Variants in CEPT1 observed in about 807,000 individuals in gnomAD.
CEPT1 encodes choline/ethanolamine phosphotransferase 1.
Under a neutral mutation model 42.6 loss-of-function variants are expected in CEPT1, and 7 were observed. The ratio of observed to expected loss-of-function variants is 0.16; its 90% CI spans 0.09 to 0.31. The LOEUF (loss-of-function observed/expected upper bound fraction) is 0.31, where lower values mean the gene tolerates loss of function less well. CEPT1 is among the 10% of genes least tolerant of loss of function. The probability of loss-of-function intolerance (pLI) is 1.00; values close to 1 mark genes in which losing one functional copy is unlikely to be tolerated. For synonymous variants in CEPT1, 171 were observed against 171.9 expected (o/e 0.99, Z 0.04); for missense variants, 306 against 502.1 (o/e 0.61, Z 3.73).
At chr1:111,143,636 T>C (rs1654788986) in intron 1 of CEPT1, 1 of 152,206 alleles carries the variant, frequency 6.6e-6, no homozygotes, top group African/African-American at 2.4e-5. Flanking sequence ...TTCTTTTTGT[T>C]ACTTGTACTG....
intron 1 of CEPT1, among the ~76,000 whole-genome samples, chr1:111,145,652 A>C (rs1288481801): frequency 6.6e-6 from 1 of 152,144 alleles, no homozygotes; most frequent in Non-Finnish European, 1.5e-5. Context: ...GTTTTGTGGC[A>C]TGTGACCCTG....
At chr1:111,145,570 G>A (rs912053854) in intron 1 of CEPT1, among the ~76,000 whole-genome samples, 17 of 152,194 alleles carry the variant, frequency 1.1e-4, no homozygotes, top group African/African-American at 4.1e-4. Flanking sequence ...ACCAGGCTGT[G>A]GGGTGAGTGT....
Position 111,184,249 on chromosome 1 carries a change from C to G in CEPT1, c.1190C>G (p.Ser397Cys), listed in dbSNP as rs1469404393. 1.2e-6 allele frequency: 2 copies of G among 1,612,870 alleles called. No homozygotes were observed. Among genetic ancestry groups the G allele is most frequent in the Non-Finnish European group, 1.7e-6 (2 of 1,178,924 alleles). The change falls in exon 9 of 9, where the codon TCT (serine) becomes TGT (cysteine). Residue 397 changes from serine to cysteine, a missense_variant. By Grantham distance (112) the Ser-to-Cys change is moderately radical (BLOSUM62 -1). This residue lies in a region of CEPT1 where 253 missense variants were observed against 447.3 expected (regional missense o/e 0.57). Coordinates refer to ENST00000357172, the MANE Select transcript of CEPT1 (RefSeq NM_006090.5). ...YCVSVCNQIA[S>C]HLHIHVFRIK... Reference sequence around the variant, plus strand: ...GTCAGTGTTTGCAATCAGATTGCGTCTCACCTGCACATACATGTCTTCAGA... The same window carrying G: ...GTCAGTGTTTGCAATCAGATTGCGTGTCACCTGCACATACATGTCTTCAGA...
chr1:111,161,570 T>G (rs1655877482), intron 4 of CEPT1, among the ~76,000 whole-genome samples: 2 of 152,106 alleles, frequency 1.3e-5, no homozygotes, highest in African/African-American at 2.4e-5. Flanking sequence ...CACAGAAAAA[T>G]TCACTTTTTT....
intron 4 of CEPT1, among the ~76,000 whole-genome samples, chr1:111,174,045 G>T (rs1656555245): frequency 6.6e-6 from 1 of 152,138 alleles, no homozygotes; most frequent in African/African-American, 2.4e-5. Context: ...TGTAGGGTAA[G>T]TTCTCAAAAT....
At chr1:111,171,956 C>G (rs556116754) in intron 4 of CEPT1, among the ~76,000 whole-genome samples, 122 of 152,326 alleles carry the variant, frequency 8.0e-4, no homozygotes, top group African/African-American at 2.8e-3. Flanking sequence ...AGGCTGGTCT[C>G]AAACTCCCTA....
intron 2 of CEPT1, among the ~76,000 whole-genome samples, chr1:111,153,611 T>G (rs1655400943): frequency 6.6e-6 from 1 of 152,234 alleles, no homozygotes; most frequent in African/African-American, 2.4e-5. Flanking sequence ...GTCTCACATT[T>G]GTAAGTCTTT....
At chr1:111,179,392 G>A (rs1656859729) in intron 5 of CEPT1, 3 of 152,154 alleles carry the variant, frequency 2.0e-5, no homozygotes, top group Admixed American at 1.3e-4. Context: ...AAGCAGACCT[G>A]ACATAAAGAT....
rs1657056550 is a variant in CEPT1 at position 111,182,797 on chromosome 1, A to G, written c.847-2A>G. On this transcript the variant is annotated splice_acceptor_variant, in intron 6 of 8. Coordinates refer to ENST00000357172, the MANE Select transcript of CEPT1 (RefSeq NM_006090.5). LOFTEE classifies it high-confidence loss of function. ...ATTAACTCTTCTCTTCACTCTGTAC[A>G]GGGAACAAGTGTCCTTTCTCCTTTT... is the stretch of plus-strand genomic sequence containing the variant. 1 of 1,610,638 alleles carries G rather than the reference A, an allele frequency of 6.2e-7. No individual in the cohort carries two copies. Among genetic ancestry groups the G allele is most frequent in the African/African-American group, 1.3e-5 (1 of 74,802 alleles).
At chr1:111,173,782 CT>C (rs1313734779) in intron 4 of CEPT1, among the ~76,000 whole-genome samples, 2 of 152,036 alleles carry the variant, frequency 1.3e-5, no homozygotes, top group East Asian at 3.9e-4. Flanking sequence ...TTATTTGTCT[CT>C]TTTTTTACAC....
intron 2 of CEPT1, 29 bp from the exon 3 acceptor site, chr1:111,159,351 A>T (rs778363542): frequency 6.3e-7 from 1 of 1,592,846 alleles, no homozygotes; most frequent in African/African-American, 1.4e-5. Flanking sequence ...GTGTCTGAAT[A>T]CTCTTGCCTT....
Position 111,147,649 on chromosome 1 carries a change from C to G in CEPT1, c.-66C>G, listed in dbSNP as rs1285409142. The stretch of plus-strand genomic sequence containing the variant: ...TTTTATTTTATTTTTTAGGTAAGCA[C>G]CAGCCACAAAAACCTACAAAAGAAG... On this transcript the variant is annotated 5_prime_UTR_variant, in exon 2 of 9. Coordinates refer to ENST00000357172, the MANE Select transcript of CEPT1 (RefSeq NM_006090.5). 2 of 1,159,972 alleles carry G rather than the reference C, an allele frequency of 1.7e-6. No individual in the cohort carries two copies. The highest frequency in any genetic ancestry group is 2.4e-6 in the Non-Finnish European group (2 of 825,830). The allele number at this position is 1,159,972 out of a possible 1,614,324, so 71.9% of individuals were successfully genotyped here.
intron 4 of CEPT1, among the ~76,000 whole-genome samples, chr1:111,171,535 A>G (rs1656411831): frequency 6.6e-6 from 1 of 152,208 alleles, no homozygotes; most frequent in African/African-American, 2.4e-5. Flanking sequence ...TGTCAAATTT[A>G]TAGCTTCCAC....
At chr1:111,167,832 T>C in intron 4 of CEPT1, 1 of 784,734 alleles carries the variant, frequency 1.3e-6, no homozygotes, top group Non-Finnish European at 1.5e-6. Context: ...TTTTGTTTTG[T>C]TTTCTTTTCA....
intron 4 of CEPT1, among the ~76,000 whole-genome samples, chr1:111,161,801 A>T (rs1194241948): frequency 2.0e-5 from 3 of 152,218 alleles, no homozygotes; most frequent in Non-Finnish European, 4.4e-5. Flanking sequence ...CTATTTTGAA[A>T]GCTTATTTAT....
intron 2 of CEPT1, among the ~76,000 whole-genome samples, chr1:111,154,243 TATTTTATTTA>T (rs1557926516): frequency 8.2e-6 from 1 of 122,018 alleles, no homozygotes; most frequent in South Asian, 2.9e-4. Context: ...TATTTTATTT[TATTTTATTTA>T]GCTGTTGTTA....
At chr1:111,170,040 A>C (rs1321798661) in intron 4 of CEPT1, among the ~76,000 whole-genome samples, 1 of 152,194 alleles carries the variant, frequency 6.6e-6, no homozygotes, top group Non-Finnish European at 1.5e-5. Flanking sequence ...GGATATAATA[A>C]GTCTTCATTA....
intron 4 of CEPT1, among the ~76,000 whole-genome samples, chr1:111,162,130 A>G (rs1655906673): frequency 6.6e-6 from 1 of 152,198 alleles, no homozygotes; most frequent in South Asian, 2.1e-4. Context: ...CTCTGCCAAG[A>G]AATATGAGCT....
chr1:111,167,257 G>C (rs1030047589), intron 4 of CEPT1: 8 of 985,142 alleles, frequency 8.1e-6, no homozygotes, highest in Non-Finnish European at 9.6e-6. Context: ...CAGCACCTTT[G>C]TCATGCACAG....
Sources: allele counts gnomAD v4.1 joint callset (sites outside exome capture counted in the v4.1 genomes callset), GRCh38; gene constraint gnomAD v4.1.1; regional missense constraint gnomAD v4.1.1; transcripts MANE v1.5; gene names NCBI Gene and HGNC (gene_info 2026-07-23, HGNC 2026-07-21).